Variants in MINAR2 observed in about 807,000 individuals in gnomAD.
MINAR2 encodes membrane integral NOTCH2 associated receptor 2, also known as major intrinsically disordered NOTCH2-binding receptor 1-like.
A neutral mutation model predicts 16.1 loss-of-function variants in MINAR2; 21 were observed. That is an observed-to-expected ratio of 1.31 (90% CI 0.93 to 1.88). The LOEUF is 1.88. MINAR2 is among the 40% of genes most tolerant of loss of function. The pLI is 0.00. For missense variants in MINAR2, 259 were observed against 229.8 expected, an observed-to-expected ratio of 1.13 and a Z score of -0.82; for synonymous variants, 86 against 83.0, an observed-to-expected ratio of 1.04 and a Z score of -0.20.
Position 129,765,327 on chromosome 5 carries a change from AT to A in MINAR2, c.*265del. The A allele has an allele frequency of 3.1e-6, 1 of 323,648 alleles. No homozygotes were observed. Among genetic ancestry groups the A allele is most frequent in the Non-Finnish European group, 5.6e-6 (1 of 179,648 alleles). 20.0% of individuals were successfully genotyped at this position (323,648 alleles called of 1,614,324 possible). A position where few individuals can be genotyped will look rare whatever the true frequency, so the allele number is the denominator to read the frequency against. On this transcript the variant is annotated 3_prime_UTR_variant, in exon 3 of 3. Coordinates refer to ENST00000564719, the MANE Select transcript of MINAR2 (RefSeq NM_001257308.2). The stretch of plus-strand genomic sequence containing the variant: ...GAATTCTGAGGACCATAATCACAGA[AT>A]AGTCACTATATGCAACCCACATTAA...
intron 1 of MINAR2, among the ~76,000 whole-genome samples, chr5:129,749,687 G>A (rs1289104631): frequency 6.6e-6 from 1 of 152,116 alleles, no homozygotes; most frequent in Non-Finnish European, 1.5e-5. Context: ...GCCCTTCTAT[G>A]CTATGCAGTT....
At position 129,757,001 on chromosome 5, in the gene MINAR2, CAT is replaced by C. The variant is rs1488768159; in HGVS notation, c.166-3374_166-3373del. Among the ~76,000 whole-genome samples the C allele has an allele frequency of 2.9e-4, 42 of 142,546 alleles. 1 individual carries two copies. Among genetic ancestry groups the C allele is most frequent in the African/African-American group, 1.0e-3 (39 of 38,566 alleles). 93.5% of individuals were successfully genotyped at this position (142,546 alleles called of 152,430 possible). On this transcript the variant is annotated intron_variant, in intron 1 of 2. Transcript: ENST00000564719. ...ATATGTATATACACACATATATACA[CAT>C]ATGTGTGTATATTTATATATAATGG...
chr5:129,753,393 G>A (rs1272883539), intron 1 of MINAR2, among the ~76,000 whole-genome samples: 8 of 145,622 alleles, frequency 5.5e-5, no homozygotes, highest in Middle Eastern at 3.8e-3. Flanking sequence ...TGAGGCATGA[G>A]AAACACTTGA....
intron 1 of MINAR2, among the ~76,000 whole-genome samples, chr5:129,756,936 A>G (rs1758061544): frequency 1.0e-4 from 1 of 9,766 alleles, no homozygotes; most frequent in Non-Finnish European, 2.0e-4. Flanking sequence ...TTCCACAGTA[A>G]AAAAAAAAAA....
chr5:129,761,428 CT>C (rs35614341), intron 2 of MINAR2, among the ~76,000 whole-genome samples: 37 of 148,874 alleles, frequency 2.5e-4, no homozygotes, highest in African/African-American at 6.6e-4. Flanking sequence ...GAATTTTTTT[CT>C]TTTTTTTTTA....
At chr5:129,758,667 A>G (rs2149546146) in intron 1 of MINAR2, among the ~76,000 whole-genome samples, 1 of 152,110 alleles carries the variant, frequency 6.6e-6, no homozygotes, top group East Asian at 1.9e-4. Context: ...AGTGTAGAAG[A>G]CAATCTGACA....
At chr5:129,748,408 T>C in intron 1 of MINAR2, 53 bp downstream of exon 1, 2 of 1,500,162 alleles carry the variant, frequency 1.3e-6, no homozygotes, top group Non-Finnish European at 1.8e-6. Flanking sequence ...TCTTTCTCGC[T>C]ATCTGCCATT....
Position 129,765,195 on chromosome 5 carries a change from AAATGT to A in MINAR2, c.*136_*140del. 2.1e-6 allele frequency: 1 copy of A among 468,550 alleles called. No homozygotes were observed. The highest frequency in any genetic ancestry group is 3.5e-6 in the Non-Finnish European group (1 of 289,060). The allele number at this position is 468,550 out of a possible 1,614,324, so 29.0% of individuals were successfully genotyped here. A position where few individuals can be genotyped will look rare whatever the true frequency, so the allele number is the denominator to read the frequency against. On this transcript the variant is annotated 3_prime_UTR_variant, in exon 3 of 3. Coordinates refer to ENST00000564719, the MANE Select transcript of MINAR2 (RefSeq NM_001257308.2). ...TGAATGGATTGTTGATTGTATTATT[AAATGT>A]AATTGTCCTGAAGAATGTGAATGTC... is the stretch of plus-strand genomic sequence containing the variant.
chr5:129,766,305 T>C lies in MINAR2; in HGVS notation c.*1242T>C, dbSNP rs542275081. The C allele has an allele frequency of 2.6e-5, 4 of 152,210 alleles. No individual in the cohort carries two copies. The highest frequency in any genetic ancestry group is 4.8e-5 in the African/African-American group (2 of 41,452). The allele number at this position is 152,210 out of a possible 1,614,324, so 9.4% of individuals were successfully genotyped here. A position where few individuals can be genotyped will look rare whatever the true frequency, so the allele number is the denominator to read the frequency against. ...CCCTTGATATTGCCATATCATTTTG[T>C]TGTATTTGTCTTAAAGATGCTTGAA... On this transcript the variant is annotated 3_prime_UTR_variant, in exon 3 of 3. Transcript: ENST00000564719.
intron 1 of MINAR2, 142 bp downstream of exon 1, chr5:129,748,497 T>G (rs1402686242): frequency 8.0e-6 from 6 of 754,592 alleles, no homozygotes; most frequent in Non-Finnish European, 1.2e-5. Context: ...TCTTTCTCTC[T>G]TCCTTAACAT....
intron 1 of MINAR2, among the ~76,000 whole-genome samples, chr5:129,753,777 G>A (rs998296751): frequency 2.0e-5 from 3 of 148,572 alleles, no homozygotes; most frequent in African/African-American, 5.0e-5. Flanking sequence ...GAGAGTGAGA[G>A]CGTCAGAGAG....
intron 2 of MINAR2, among the ~76,000 whole-genome samples, chr5:129,764,186 A>G (rs948381963): frequency 3.9e-5 from 6 of 152,194 alleles, no homozygotes; most frequent in Non-Finnish European, 8.8e-5. Flanking sequence ...GGCCTGAAGG[A>G]AAGATGAAGT....
At chr5:129,763,089 A>G (rs2149547098) in intron 2 of MINAR2, among the ~76,000 whole-genome samples, 1 of 152,324 alleles carries the variant, frequency 6.6e-6, no homozygotes, top group Non-Finnish European at 1.5e-5. Flanking sequence ...AATTATGTTT[A>G]GGAAGAATGA....
intron 1 of MINAR2, among the ~76,000 whole-genome samples, chr5:129,756,801 T>G (rs564568718): frequency 6.6e-6 from 1 of 151,794 alleles, no homozygotes; most frequent in Non-Finnish European, 1.5e-5. Context: ...TTATTCATTT[T>G]CTAGAAACAT....
At chr5:129,764,834 A>G in intron 2 of MINAR2, 50 bp from the exon 3 acceptor site, 1 of 1,031,454 alleles carries the variant, frequency 9.7e-7, no homozygotes, top group Non-Finnish European at 1.3e-6. Context: ...TTAATTTGTA[A>G]CACTGACTGA....
At chr5:129,753,676 C>G (rs568120758) in intron 1 of MINAR2, among the ~76,000 whole-genome samples, 1 of 151,502 alleles carries the variant, frequency 6.6e-6, no homozygotes, top group Non-Finnish European at 1.5e-5. Context: ...TCGCTTGAAC[C>G]GGGGAGGTGG....
intron 1 of MINAR2, among the ~76,000 whole-genome samples, chr5:129,756,809 C>T (rs1758059456): frequency 6.6e-6 from 1 of 151,032 alleles, no homozygotes; most frequent in Middle Eastern, 3.4e-3. Context: ...TTTCTAGAAA[C>T]ATTCTTTATA....
At chr5:129,762,561 C>A in intron 2 of MINAR2, 1 of 337,256 alleles carries the variant, frequency 3.0e-6, no homozygotes, top group Admixed American at 3.6e-5. Flanking sequence ...AGGTTTTCTG[C>A]TCTTTGTGGA....
At chr5:129,750,914 C>T (rs2149544660) in intron 1 of MINAR2, among the ~76,000 whole-genome samples, 1 of 152,202 alleles carries the variant, frequency 6.6e-6, no homozygotes, top group Admixed American at 6.5e-5. Context: ...ACACAAACTC[C>T]AGAGTTGTGT....
Sources: gnomAD v4.1 joint callset for allele counts (sites outside exome capture counted in the v4.1 genomes callset) on GRCh38, gnomAD v4.1.1 for gene constraint, MANE v1.5 for transcripts, NCBI Gene and HGNC (gene_info 2026-07-23, HGNC 2026-07-21) for gene names.